SCHIP1: variants seen among roughly 807,000 people sequenced by gnomAD.
The protein encoded by SCHIP1 is schwannomin interacting protein 1, also known as schwannomin-interacting protein 1.
In SCHIP1, 8 loss-of-function variants were observed where a neutral mutation model predicts 29.7. The ratio of observed to expected loss-of-function variants is 0.27; its 90% CI spans 0.16 to 0.49. SCHIP1 has a LOEUF of 0.49. Among genes scored for constraint, SCHIP1 ranks in the 20% least tolerant of loss-of-function variants. The probability of loss-of-function intolerance (pLI) is 0.99; values close to 1 mark genes in which losing one functional copy is unlikely to be tolerated. For synonymous variants in SCHIP1, 76 were observed against 94.9 expected, an observed-to-expected ratio of 0.80 and a Z score of 1.16; for missense variants, 193 against 294.6, an observed-to-expected ratio of 0.66 and a Z score of 2.52.
the SCHIP1 span, among the ~76,000 whole-genome samples, chr3:159,676,739 A>G: frequency 4.2e-3 from 642 of 152,290 alleles, 1 homozygote; most frequent in Non-Finnish European, 5.5e-3. Context: ...GCTCTTCCCA[A>G]GAGGGCTGCC....
the SCHIP1 span, among the ~76,000 whole-genome samples, chr3:159,627,475 A>G: frequency 6.6e-6 from 1 of 152,204 alleles, no homozygotes; most frequent in East Asian, 1.9e-4. Flanking sequence ...GGGAAGTACT[A>G]TTATAATTCC....
chr3:159,811,970 T>TTG, the SCHIP1 span, among the ~76,000 whole-genome samples: 3 of 92,800 alleles, frequency 3.2e-5, no homozygotes, highest in African/African-American at 1.5e-4. Context: ...TTTTTTTTGT[T>TTG]TTTGTTTTTG....
the SCHIP1 span, among the ~76,000 whole-genome samples, chr3:159,374,144 A>G: frequency 2.0e-5 from 3 of 152,108 alleles, no homozygotes; most frequent in African/African-American, 7.2e-5. Context: ...TTCTGACTGC[A>G]TGTTTGATAA....
intron 5 of SCHIP1, 52 bp from the exon 7 acceptor site, chr3:159,892,045 C>A: frequency 6.3e-7 from 1 of 1,577,160 alleles, no homozygotes; most frequent in Non-Finnish European, 8.6e-7. Context: ...AGTTTACATT[C>A]TGACTTGGAG....
the SCHIP1 span, among the ~76,000 whole-genome samples, chr3:159,540,726 G>A: frequency 6.6e-6 from 1 of 152,020 alleles, no homozygotes; most frequent in African/African-American, 2.4e-5. Context: ...GTAGACAACT[G>A]AATGGAAATA....
the SCHIP1 span, among the ~76,000 whole-genome samples, chr3:159,455,417 A>T: frequency 6.6e-6 from 1 of 152,222 alleles, no homozygotes; most frequent in South Asian, 2.1e-4. Context: ...AGGCAATAAC[A>T]ATAATATGCA....
chr3:159,759,302 A>C, the SCHIP1 span, among the ~76,000 whole-genome samples: 1 of 152,246 alleles, frequency 6.6e-6, no homozygotes, highest in Non-Finnish European at 1.5e-5. Flanking sequence ...GAAATAAAAG[A>C]GAGCTACCAT....
chr3:159,727,501 C>T, the SCHIP1 span, among the ~76,000 whole-genome samples: 1 of 152,156 alleles, frequency 6.6e-6, no homozygotes, highest in African/African-American at 2.4e-5. Context: ...GGTGCATAAA[C>T]TCGCAAGGGT....
At chr3:159,299,580 A>AT in the SCHIP1 span, among the ~76,000 whole-genome samples, 1 of 152,166 alleles carries the variant, frequency 6.6e-6, no homozygotes, top group Admixed American at 6.5e-5. Flanking sequence ...AAAAAGAAAA[A>AT]TGTGTGTTCC....
chr3:159,742,089 G>T, the SCHIP1 span, among the ~76,000 whole-genome samples: 2 of 152,110 alleles, frequency 1.3e-5, no homozygotes, highest in Non-Finnish European at 2.9e-5. Context: ...AGCCGGGTGT[G>T]GTGGCGGGCG....
chr3:159,400,478 A>G, the SCHIP1 span, among the ~76,000 whole-genome samples: 1 of 152,162 alleles, frequency 6.6e-6, no homozygotes, highest in Non-Finnish European at 1.5e-5. Flanking sequence ...CAATCTGTAA[A>G]ATTGTATTAT....
chr3:159,463,866 C>T, the SCHIP1 span, among the ~76,000 whole-genome samples: 12 of 151,994 alleles, frequency 7.9e-5, no homozygotes, highest in East Asian at 7.7e-4. Flanking sequence ...ACATCCTATA[C>T]GTCTTTCCTT....
the SCHIP1 span, among the ~76,000 whole-genome samples, chr3:159,302,346 T>A: frequency 6.6e-6 from 1 of 152,200 alleles, no homozygotes; most frequent in Non-Finnish European, 1.5e-5. Context: ...TGTAATCTAG[T>A]AGTTTTCTAA....
the SCHIP1 span, among the ~76,000 whole-genome samples, chr3:159,625,515 A>G: frequency 6.6e-6 from 1 of 152,110 alleles, no homozygotes; most frequent in African/African-American, 2.4e-5. Flanking sequence ...AAATGATTAA[A>G]ATACTAAATC....
At chr3:159,381,923 T>A in the SCHIP1 span, among the ~76,000 whole-genome samples, 1 of 152,144 alleles carries the variant, frequency 6.6e-6, no homozygotes, top group Non-Finnish European at 1.5e-5. Flanking sequence ...TGTAATATCC[T>A]TTGAACAGGT....
In SCHIP1 at chr3:159,888,955, A is replaced by C. The variant is rs1717218879; in HGVS notation, c.589+12A>C. On this transcript the variant is annotated intron_variant, in intron 5 of 6. Transcript: ENST00000445224. ...TTCCCAGATAGAAAGTAAGTGTAAG[A>C]TATGCTTGAAAATAGGATATTCAAT... 1.2e-6 allele frequency: 2 copies of C among 1,612,794 alleles called. No individual in the cohort carries two copies. Among genetic ancestry groups the C allele is most frequent in the East Asian group, 4.5e-5 (2 of 44,840 alleles).
the SCHIP1 span, among the ~76,000 whole-genome samples, chr3:159,740,332 A>G: frequency 6.6e-6 from 1 of 152,194 alleles, no homozygotes; most frequent in East Asian, 1.9e-4. Context: ...TGCCTCTGCA[A>G]TCAGGATGAG....
At chr3:159,454,910 T>C in the SCHIP1 span, among the ~76,000 whole-genome samples, 2 of 152,238 alleles carry the variant, frequency 1.3e-5, no homozygotes, top group Non-Finnish European at 2.9e-5. Flanking sequence ...TCAAGAACTA[T>C]GTGGAATACT....
chr3:159,423,037 G>A, the SCHIP1 span, among the ~76,000 whole-genome samples: 1 of 152,218 alleles, frequency 6.6e-6, no homozygotes, highest in Non-Finnish European at 1.5e-5. Flanking sequence ...ATACAAATAT[G>A]CATAGATGAG....
Sources: gnomAD v4.1 joint callset for allele counts (sites outside exome capture counted in the v4.1 genomes callset) on GRCh38, gnomAD v4.1.1 for gene constraint, MANE v1.5 for transcripts, NCBI Gene and HGNC (gene_info 2026-07-23, HGNC 2026-07-21) for gene names.